The following NME7 variants were observed in gnomAD, a reference collection of about 807,000 sequenced individuals.
NME7 encodes the protein NME/NM23 family member 7.
In NME7, 41 loss-of-function variants were observed where a neutral mutation model predicts 49.1. The observed-to-expected ratio is 0.83, with a 90% CI of 0.65 to 1.08. The LOEUF (loss-of-function observed/expected upper bound fraction) is 1.08. NME7 is among the 50% of genes least tolerant of loss of function. The pLI is 0.00. For missense variants in NME7, 423 were observed against 463.4 expected (o/e 0.91, Z 0.80); for synonymous variants, 139 against 150.6 (o/e 0.92, Z 0.56).
chr1:169,207,286 C>T (rs1375118461), intron 10 of NME7, among the ~76,000 whole-genome samples: 2 of 152,084 alleles, frequency 1.3e-5, no homozygotes, highest in Non-Finnish European at 2.9e-5. Flanking sequence ...CTGAGGATGC[C>T]ACCAAGCCAT....
chr1:169,344,457 C>T (rs1300945972), intron 1 of NME7, among the ~76,000 whole-genome samples: 1 of 152,144 alleles, frequency 6.6e-6, no homozygotes, highest in Admixed American at 6.5e-5. Flanking sequence ...TAGCCTTGTT[C>T]CCAATCTCAG....
chr1:169,254,749 T>G (rs1648834543), intron 7 of NME7, among the ~76,000 whole-genome samples: 1 of 144,852 alleles, frequency 6.9e-6, no homozygotes, highest in Non-Finnish European at 1.5e-5. Context: ...GTCCCAGAGA[T>G]TCTGGTATGT....
At chr1:169,287,878 A>T (rs1276887937) in intron 6 of NME7, among the ~76,000 whole-genome samples, 1 of 152,188 alleles carries the variant, frequency 6.6e-6, no homozygotes, top group African/African-American at 2.4e-5. Flanking sequence ...CTATAGGCCT[A>T]GTATAAAATA....
At chr1:169,220,225 C>A (rs12028197) in intron 10 of NME7, among the ~76,000 whole-genome samples, 12,601 of 152,076 alleles carry the variant, frequency 0.083, 707 homozygotes, top group Admixed American at 0.19. Flanking sequence ...ATCTAATTGA[C>A]CTTTTGTGGA....
chr1:169,307,505 A>C (rs867373492), intron 4 of NME7, among the ~76,000 whole-genome samples: 2 of 152,218 alleles, frequency 1.3e-5, no homozygotes, highest in African/African-American at 2.4e-5. Flanking sequence ...GGAATTAACA[A>C]GACTTAAGGT....
At chr1:169,355,048 A>C (rs1653353527) in intron 1 of NME7, among the ~76,000 whole-genome samples, 1 of 72,402 alleles carries the variant, frequency 1.4e-5, no homozygotes, top group Non-Finnish European at 2.3e-5. Flanking sequence ...TATAGATATA[A>C]TATATAATAT....
chr1:169,172,861 C>T (rs1659646027), intron 10 of NME7, among the ~76,000 whole-genome samples: 1 of 152,158 alleles, frequency 6.6e-6, no homozygotes, highest in Non-Finnish European at 1.5e-5. Flanking sequence ...CAATATAGGC[C>T]TTCTTGACTT....
chr1:169,133,681 TAGG>T (rs1464556851), intron 11 of NME7, among the ~76,000 whole-genome samples: 2 of 152,240 alleles, frequency 1.3e-5, no homozygotes, highest in African/African-American at 4.8e-5. Context: ...TTGAAGTCTT[TAGG>T]AGACTTCAGT....
intron 3 of NME7, among the ~76,000 whole-genome samples, chr1:169,320,117 G>T (rs1651798220): frequency 1.3e-5 from 2 of 152,044 alleles, no homozygotes; most frequent in South Asian, 4.1e-4. Context: ...CTGGTTTGAG[G>T]TAATAAATTT....
At chr1:169,282,519 T>A (rs143744020) in intron 7 of NME7, among the ~76,000 whole-genome samples, 2,163 of 152,302 alleles carry the variant, frequency 0.014, 57 homozygotes, top group African/African-American at 0.049. Context: ...GTTGCTTCTC[T>A]AGTTCTTTCA....
intron 5 of NME7, chr1:169,301,919 A>T (rs776623162): frequency 6.6e-6 from 1 of 152,154 alleles, no homozygotes; most frequent in Non-Finnish European, 1.5e-5. Context: ...GGACTACTAG[A>T]GGAGAGAAGG....
chr1:169,233,113 A>G (rs1022263600), intron 9 of NME7, among the ~76,000 whole-genome samples: 4 of 94,170 alleles, frequency 4.2e-5, no homozygotes, highest in Non-Finnish European at 9.0e-5. Flanking sequence ...GCTTTCAAAC[A>G]TAATTGTTCA....
intron 1 of NME7, among the ~76,000 whole-genome samples, chr1:169,346,471 TC>T (rs1195219610): frequency 2.6e-5 from 4 of 152,198 alleles, no homozygotes; most frequent in African/African-American, 7.2e-5. Context: ...ACATGGCTTA[TC>T]TTTTCTCACC....
rs77806901 is a variant in NME7, at chr1:169,258,864, T to A, written c.755-21177A>T. On this transcript the variant is annotated intron_variant, in intron 7 of 11. Transcript: ENST00000367811. The stretch of plus-strand genomic sequence containing the variant: ...TCTTTAGCATGACCTGGGAACTTAT[T>A]ACAAATGCAGATTCTTGGGCTCTAA... Among the ~76,000 whole-genome samples, 1,081 of 133,140 alleles carry A rather than the reference T, an allele frequency of 8.1e-3. 120 individuals are homozygous for A. The highest frequency in any genetic ancestry group is 0.026 in the African/African-American group (1,034 of 39,408). The allele number at this position is 133,140 out of a possible 152,430, so 87.3% of individuals were successfully genotyped here.
chr1:169,366,730 A>G (rs1452724104), intron 1 of NME7, among the ~76,000 whole-genome samples: 1 of 152,200 alleles, frequency 6.6e-6, no homozygotes, highest in Non-Finnish European at 1.5e-5. Flanking sequence ...GTTATACTCC[A>G]TCATGTTTAG....
At chr1:169,250,970 G>A (rs573693750) in intron 7 of NME7, among the ~76,000 whole-genome samples, 5 of 151,988 alleles carry the variant, frequency 3.3e-5, no homozygotes, top group South Asian at 2.1e-4. Flanking sequence ...TAGAATGTTC[G>A]GCAAATATTT....
chr1:169,191,331 A>G (rs1660225559), intron 10 of NME7, among the ~76,000 whole-genome samples: 1 of 152,194 alleles, frequency 6.6e-6, no homozygotes, highest in African/African-American at 2.4e-5. Flanking sequence ...ACTCAGACTC[A>G]TTGCTTGTTG....
intron 1 of NME7, among the ~76,000 whole-genome samples, chr1:169,333,706 C>T (rs2101950412): frequency 6.6e-6 from 1 of 152,178 alleles, no homozygotes; most frequent in Non-Finnish European, 1.5e-5. Flanking sequence ...TGAACCCAGG[C>T]AGCTTGACTC....
At chr1:169,179,853 T>C (rs1659873590) in intron 10 of NME7, among the ~76,000 whole-genome samples, 1 of 152,030 alleles carries the variant, frequency 6.6e-6, no homozygotes, top group African/African-American at 2.4e-5. Context: ...TCAGGAAGAA[T>C]AGCTAGTGGA....
Sources: allele counts gnomAD v4.1 joint callset (sites outside exome capture counted in the v4.1 genomes callset), GRCh38; gene constraint gnomAD v4.1.1; transcripts MANE v1.5; gene names NCBI Gene and HGNC (gene_info 2026-07-23, HGNC 2026-07-21).